SLC25A48: variants seen among roughly 807,000 people sequenced by gnomAD.
The protein encoded by SLC25A48 is solute carrier family 25 member 48.
In SLC25A48, 29 loss-of-function variants were observed where a neutral mutation model predicts 32.2. The observed-to-expected ratio is 0.90, with a 90% CI of 0.67 to 1.23. The LOEUF is 1.23. SLC25A48 is among the 50% of genes most tolerant of loss of function. SLC25A48 has a pLI of 0.00. For synonymous variants in SLC25A48, 164 were observed against 172.3 expected (o/e 0.95, Z 0.38); for missense variants, 399 against 422.7 (o/e 0.94, Z 0.49).
intron 6 of SLC25A48, chr5:135,874,571 C>T: frequency 1.7e-6 from 1 of 604,028 alleles, no homozygotes; most frequent in Non-Finnish European, 3.0e-6. Flanking sequence ...TTCCTGTCCT[C>T]AGTCAGCTCA....
At chr5:135,635,724 T>C (rs2126911577) in intron 3 of SLC25A48, among the ~76,000 whole-genome samples, 1 of 152,254 alleles carries the variant, frequency 6.6e-6, no homozygotes, top group East Asian at 1.9e-4. Flanking sequence ...CAACAAGACA[T>C]CCATGAACGC....
At chr5:135,736,618 C>G (rs1755366531) in intron 3 of SLC25A48, among the ~76,000 whole-genome samples, 1 of 151,858 alleles carries the variant, frequency 6.6e-6, no homozygotes, top group Non-Finnish European at 1.5e-5. Flanking sequence ...GGTGCTTGCC[C>G]CCAGAAAAGT....
chr5:135,688,582 A>G (rs1020858359), intron 3 of SLC25A48, among the ~76,000 whole-genome samples: 1 of 152,258 alleles, frequency 6.6e-6, no homozygotes, highest in Non-Finnish European at 1.5e-5. Context: ...TCCAGGGAAT[A>G]TTGATTTGAG....
At chr5:135,795,927 A>T in intron 3 of SLC25A48, among the ~76,000 whole-genome samples, 1 of 141,448 alleles carries the variant, frequency 7.1e-6, no homozygotes, top group Non-Finnish European at 1.5e-5. Context: ...ATTACTCCCC[A>T]TATCGTGGGG....
chr5:135,801,698 T>C (rs754577922), intron 3 of SLC25A48, among the ~76,000 whole-genome samples: 1 of 151,022 alleles, frequency 6.6e-6, no homozygotes, highest in Non-Finnish European at 1.5e-5. Context: ...AGGTTTGTAA[T>C]ATTAGAAGGA....
At chr5:135,626,599 T>C (rs1354103587) in intron 1 of SLC25A48, among the ~76,000 whole-genome samples, 1 of 152,222 alleles carries the variant, frequency 6.6e-6, no homozygotes, top group African/African-American at 2.4e-5. Context: ...CATGTGTGTT[T>C]CTGCAAAGCA....
intron 3 of SLC25A48, among the ~76,000 whole-genome samples, chr5:135,808,799 A>G: frequency 6.6e-6 from 1 of 152,040 alleles, no homozygotes; most frequent in African/African-American, 2.4e-5. Flanking sequence ...GTCCTCTCAT[A>G]CCCACTCCTG....
At chr5:135,698,893 T>C (rs1754327330) in intron 3 of SLC25A48, among the ~76,000 whole-genome samples, 1 of 152,158 alleles carries the variant, frequency 6.6e-6, no homozygotes, top group African/African-American at 2.4e-5. Context: ...AGAACGGAGA[T>C]CTCACAAAGG....
At chr5:135,814,222 T>C (rs55798312) in intron 4 of SLC25A48, among the ~76,000 whole-genome samples, 19,936 of 152,210 alleles carry the variant, frequency 0.13, 1,712 homozygotes, top group Non-Finnish European at 0.19. Flanking sequence ...GCCTTTTCCA[T>C]GCTCCATCCT....
intron 4 of SLC25A48, among the ~76,000 whole-genome samples, chr5:135,823,211 C>T (rs1201023983): frequency 1.3e-5 from 2 of 152,134 alleles, no homozygotes; most frequent in East Asian, 3.9e-4. Flanking sequence ...ATAAGTTCTT[C>T]CATGGGTCAG....
chr5:135,790,365 T>C (rs1756994529), intron 3 of SLC25A48, among the ~76,000 whole-genome samples: 1 of 151,986 alleles, frequency 6.6e-6, no homozygotes, highest in South Asian at 2.1e-4. Context: ...TATGTGGGTG[T>C]ACATTCTGTG....
intron 3 of SLC25A48, chr5:135,653,898 A>G (rs990143741): frequency 2.0e-5 from 9 of 456,164 alleles, no homozygotes; most frequent in African/African-American, 1.8e-4. Flanking sequence ...CAGGGCAAGC[A>G]TATACTCAGG....
intron 3 of SLC25A48, among the ~76,000 whole-genome samples, chr5:135,654,626 TC>T (rs1414344974): frequency 6.6e-6 from 1 of 152,198 alleles, no homozygotes; most frequent in African/African-American, 2.4e-5. Context: ...ATTTTATGTA[TC>T]AACTTGGCTG....
intron 3 of SLC25A48, among the ~76,000 whole-genome samples, chr5:135,689,727 T>C (rs1228506169): frequency 1.3e-5 from 2 of 152,214 alleles, no homozygotes; most frequent in Non-Finnish European, 2.9e-5. Context: ...AGTGCCTGTC[T>C]CTGTAACGCT....
At chr5:135,852,482 G>A in intron 3 of SLC25A48, 81 bp from the exon 4 acceptor site, 1 of 1,499,640 alleles carries the variant, frequency 6.7e-7, no homozygotes, top group South Asian at 1.3e-5. Context: ...AGATGTGTCC[G>A]GTGGTGTACC....
chr5:135,779,223 A>C (rs1442906784), intron 3 of SLC25A48, among the ~76,000 whole-genome samples: 1 of 151,068 alleles, frequency 6.6e-6, no homozygotes. Flanking sequence ...GGGTGTGCAC[A>C]CCCCTGTGAT....
At chr5:135,658,364 T>C (rs801548) in intron 3 of SLC25A48, among the ~76,000 whole-genome samples, 51,078 of 152,058 alleles carry the variant, frequency 0.34, 8,947 homozygotes, top group East Asian at 0.63. Context: ...TCGTGTCTCA[T>C]ATCCAGGGCA....
At chr5:135,886,588 AATATATATATATATATATATATATAT>A (rs147005349) in intron 7 of SLC25A48, among the ~76,000 whole-genome samples, 7 of 35,450 alleles carry the variant, frequency 2.0e-4, no homozygotes, top group African/African-American at 3.5e-4. Context: ...TATTTAACCA[AATATATATATATATATATATATATAT>A]ATATATATAT....
intron 3 of SLC25A48, among the ~76,000 whole-genome samples, chr5:135,765,476 A>G (rs973643283): frequency 6.6e-6 from 1 of 151,154 alleles, no homozygotes; most frequent in Admixed American, 6.6e-5. Flanking sequence ...CCCCCTTGTG[A>G]AATTGTTGGT....
Sources: allele counts gnomAD v4.1 joint callset (sites outside exome capture counted in the v4.1 genomes callset), GRCh38; gene constraint gnomAD v4.1.1; transcripts MANE v1.5; gene names NCBI Gene and HGNC (gene_info 2026-07-23, HGNC 2026-07-21).